CTNNA3: variants seen among roughly 807,000 people sequenced by gnomAD.
CTNNA3 encodes catenin alpha 3.
CTNNA3 carries 76 observed loss-of-function variants against 95.7 expected under a neutral mutation model. The observed-to-expected ratio is 0.79, with a 90% CI of 0.66 to 0.96. The LOEUF (loss-of-function observed/expected upper bound fraction) is 0.96. CTNNA3 is among the 40% of genes least tolerant of loss of function. The probability of loss-of-function intolerance (pLI) is 0.00; values close to 1 mark genes in which losing one functional copy is unlikely to be tolerated. For missense variants in CTNNA3, 1,191 were observed against 1,089.8 expected, an observed-to-expected ratio of 1.09 and a Z score of -1.31; for synonymous variants, 431 against 374.4, an observed-to-expected ratio of 1.15 and a Z score of -1.74.
chr10:67,481,188 G>C (rs1462374349), intron 5 of CTNNA3, among the ~76,000 whole-genome samples: 1 of 152,084 alleles, frequency 6.6e-6, no homozygotes, highest in Non-Finnish European at 1.5e-5. Context: ...ATGAGCAAAA[G>C]CTGGAAGCAC....
At chr10:65,991,764 G>C (rs2078551103) in intron 15 of CTNNA3, among the ~76,000 whole-genome samples, 1 of 151,968 alleles carries the variant, frequency 6.6e-6, no homozygotes, top group African/African-American at 2.4e-5. Flanking sequence ...TGCTCTGGCT[G>C]ATAACCTTCA....
At chr10:67,515,659 A>T (rs1209919019) in intron 5 of CTNNA3, among the ~76,000 whole-genome samples, 2 of 152,246 alleles carry the variant, frequency 1.3e-5, no homozygotes, top group East Asian at 3.8e-4. Flanking sequence ...CCTAAGACAG[A>T]CATGAATATT....
At chr10:67,726,439 A>AATATTAT (rs1461778786) in intron 1 of CTNNA3, among the ~76,000 whole-genome samples, 1 of 53,168 alleles carries the variant, frequency 1.9e-5, no homozygotes, top group Non-Finnish European at 2.9e-5. Flanking sequence ...TATCATATAT[A>AATATTAT]ATATATAATA....
intron 5 of CTNNA3, among the ~76,000 whole-genome samples, chr10:67,397,964 T>C (rs1212412169): frequency 6.6e-6 from 1 of 152,166 alleles, no homozygotes; most frequent in Non-Finnish European, 1.5e-5. Context: ...TGTATGGAAA[T>C]GCTTGGATGT....
intron 9 of CTNNA3, among the ~76,000 whole-genome samples, chr10:66,657,379 G>T (rs1010926916): frequency 6.6e-6 from 1 of 152,064 alleles, no homozygotes; most frequent in African/African-American, 2.4e-5. Flanking sequence ...ATGTGGTATT[G>T]TTTGTTTACC....
intron 13 of CTNNA3, among the ~76,000 whole-genome samples, chr10:66,104,284 A>G (rs753814385): frequency 6.6e-6 from 1 of 152,114 alleles, no homozygotes; most frequent in South Asian, 2.1e-4. Flanking sequence ...AATGATCATT[A>G]TACTTTAATA....
At chr10:67,334,166 A>T (rs74142485) in intron 5 of CTNNA3, 2,722 of 154,020 alleles carry the variant, frequency 0.018, 86 homozygotes, top group African/African-American at 0.06. Context: ...CTAGTCCCTT[A>T]TCATAAAGAA....
At chr10:67,504,156 CAAAA>C (rs1408049131) in intron 5 of CTNNA3, among the ~76,000 whole-genome samples, 1 of 92,074 alleles carries the variant, frequency 1.1e-5, no homozygotes. Flanking sequence ...GACTCCGTCT[CAAAA>C]AAAAAAAAAC....
At chr10:66,221,850 C>T (rs2088947169) in intron 13 of CTNNA3, among the ~76,000 whole-genome samples, 1 of 152,114 alleles carries the variant, frequency 6.6e-6, no homozygotes, top group Admixed American at 6.5e-5. Flanking sequence ...ATTTGTCAGT[C>T]AAGTATAATT....
chr10:67,636,052 G>C (rs747152186), intron 2 of CTNNA3, among the ~76,000 whole-genome samples: 4 of 152,130 alleles, frequency 2.6e-5, no homozygotes, highest in African/African-American at 9.7e-5. Flanking sequence ...AATCATGAAT[G>C]AACTCCCAAT....
At chr10:67,261,466 GCATT>G (rs1199799271) in intron 5 of CTNNA3, among the ~76,000 whole-genome samples, 1 of 152,082 alleles carries the variant, frequency 6.6e-6, no homozygotes. Context: ...CAAGAGTGAG[GCATT>G]TTGCGATGAC....
At chr10:66,190,538 C>T (rs1360057966) in intron 13 of CTNNA3, among the ~76,000 whole-genome samples, 1 of 152,118 alleles carries the variant, frequency 6.6e-6, no homozygotes, top group African/African-American at 2.4e-5. Context: ...TCCTCACAAA[C>T]CACTACTCAG....
chr10:66,668,803 C>T (rs1846554567), intron 9 of CTNNA3, among the ~76,000 whole-genome samples: 1 of 151,792 alleles, frequency 6.6e-6, no homozygotes, highest in Non-Finnish European at 1.5e-5. Flanking sequence ...CAGAGTCAGA[C>T]CCTGTCTCAA....
chr10:67,147,031 T>A (rs1467167303), intron 7 of CTNNA3, among the ~76,000 whole-genome samples: 1 of 152,154 alleles, frequency 6.6e-6, no homozygotes, highest in East Asian at 1.9e-4. Context: ...CTCTATAATG[T>A]TCACACAATG....
chr10:66,628,808 C>T (rs1302401433), intron 9 of CTNNA3, among the ~76,000 whole-genome samples: 1 of 151,994 alleles, frequency 6.6e-6, no homozygotes, highest in African/African-American at 2.4e-5. Flanking sequence ...AGAGTTGAAT[C>T]AGATACTTTG....
intron 1 of CTNNA3, among the ~76,000 whole-genome samples, chr10:67,729,603 G>C (rs1267500346): frequency 6.6e-6 from 1 of 152,016 alleles, no homozygotes; most frequent in African/African-American, 2.4e-5. Context: ...CTACAAAGTT[G>C]TTCATTTTTA....
At chr10:65,921,848 T>G (rs540378112) in intron 17 of CTNNA3, among the ~76,000 whole-genome samples, 7 of 152,340 alleles carry the variant, frequency 4.6e-5, no homozygotes, top group African/African-American at 1.4e-4. Flanking sequence ...TGTTGGATGT[T>G]GGTCCTGCAC....
At chr10:66,689,627 C>A (rs1015403630) in intron 9 of CTNNA3, among the ~76,000 whole-genome samples, 5 of 152,058 alleles carry the variant, frequency 3.3e-5, no homozygotes, top group Non-Finnish European at 7.4e-5. Context: ...TTTAAATAGA[C>A]AATTTTGATA....
At chr10:66,226,321 A>T (rs2089285315) in intron 13 of CTNNA3, among the ~76,000 whole-genome samples, 1 of 152,072 alleles carries the variant, frequency 6.6e-6, no homozygotes, top group South Asian at 2.1e-4. Context: ...CATTTTCCCA[A>T]TGCCTATTCT....
Sources: gnomAD v4.1 joint callset for allele counts (sites outside exome capture counted in the v4.1 genomes callset) on GRCh38, gnomAD v4.1.1 for gene constraint, MANE v1.5 for transcripts, NCBI Gene and HGNC (gene_info 2026-07-23, HGNC 2026-07-21) for gene names.